Variants in ARHGAP18 observed in about 807,000 individuals in gnomAD.
ARHGAP18 encodes the protein Rho GTPase activating protein 18, also known as rho GTPase-activating protein 18.
Under a neutral mutation model 86.2 loss-of-function variants are expected in ARHGAP18, and 67 were observed. The observed-to-expected ratio is 0.78, with a 90% CI of 0.64 to 0.95. ARHGAP18 has a LOEUF of 0.95. Ranked by LOEUF, ARHGAP18 falls within the 40% of genes least tolerant of loss-of-function variation. The pLI, the probability that ARHGAP18 is intolerant of heterozygous loss-of-function variation, is 0.00. For synonymous variants in ARHGAP18, 283 were observed against 280.4 expected (o/e 1.01, Z -0.09); for missense variants, 691 against 780.4 (o/e 0.89, Z 1.37).
intron 1 of ARHGAP18, among the ~76,000 whole-genome samples, chr6:129,643,997 A>C (rs1773524854): frequency 6.6e-6 from 1 of 152,198 alleles, no homozygotes; most frequent in Non-Finnish European, 1.5e-5. Flanking sequence ...TCCTTTAAAG[A>C]TGATTCTTCC....
chr6:129,626,065 TAC>T (rs71028169), intron 5 of ARHGAP18, among the ~76,000 whole-genome samples: 1,479 of 101,518 alleles, frequency 0.015, 23 homozygotes, highest in East Asian at 0.084. Context: ...TATACACATA[TAC>T]ACACACACAC....
chr6:129,698,120 T>TA (rs1192014952), intron 1 of ARHGAP18, among the ~76,000 whole-genome samples: 1 of 152,200 alleles, frequency 6.6e-6, no homozygotes, highest in African/African-American at 2.4e-5. Flanking sequence ...AATATGATAC[T>TA]AAAAAAGTTG....
chr6:129,632,189 T>C (rs1023742706), intron 4 of ARHGAP18, among the ~76,000 whole-genome samples: 2 of 152,204 alleles, frequency 1.3e-5, no homozygotes, highest in African/African-American at 4.8e-5. Context: ...CACTGGCTAG[T>C]GAAAGAGCAT....
intron 1 of ARHGAP18, 116 bp downstream of exon 1, chr6:129,709,908 G>T: frequency 1.3e-6 from 1 of 770,054 alleles, no homozygotes; most frequent in South Asian, 1.7e-5. Flanking sequence ...GCTGCTGCAC[G>T]AGCTCAGGCT....
intron 1 of ARHGAP18, among the ~76,000 whole-genome samples, chr6:129,670,686 CTCTTTT>C (rs2114527618): frequency 8.3e-6 from 1 of 120,826 alleles, no homozygotes; most frequent in African/African-American, 3.7e-5. Context: ...GAAGTCGTAA[CTCTTTT>C]TTTTTTTTTT....
intron 1 of ARHGAP18, among the ~76,000 whole-genome samples, chr6:129,708,714 G>T (rs1774848816): frequency 6.6e-6 from 1 of 152,186 alleles, no homozygotes. Context: ...CTGACATGTG[G>T]AATCCAAGTT....
intron 1 of ARHGAP18, among the ~76,000 whole-genome samples, chr6:129,662,464 G>A (rs1022728643): frequency 1.3e-5 from 2 of 152,218 alleles, no homozygotes; most frequent in African/African-American, 4.8e-5. Flanking sequence ...AGGTGTTTTT[G>A]TTCTTCTAGT....
At chr6:129,607,869 G>A in intron 9 of ARHGAP18, 24 bp downstream of exon 9, 1 of 1,562,038 alleles carries the variant, frequency 6.4e-7, no homozygotes, top group South Asian at 1.2e-5. Flanking sequence ...CAGAAGGACT[G>A]CTTCAAAGAG....
At chr6:129,625,766 T>C (rs1442217048) in intron 5 of ARHGAP18, among the ~76,000 whole-genome samples, 11 of 35,346 alleles carry the variant, frequency 3.1e-4, no homozygotes, top group African/African-American at 8.5e-4. Context: ...ATTTATATAT[T>C]ATATATATTT....
intron 2 of ARHGAP18, 93 bp downstream of exon 2, chr6:129,641,723 C>T (rs1773467751): frequency 8.1e-7 from 1 of 1,230,598 alleles, no homozygotes. Context: ...GTGGTCCTAG[C>T]TTTAATTTTT....
chr6:129,602,512 A>G (rs1289541876), intron 10 of ARHGAP18, among the ~76,000 whole-genome samples: 1 of 152,164 alleles, frequency 6.6e-6, no homozygotes, highest in East Asian at 1.9e-4. Context: ...AAATTCCTGT[A>G]AGTGCTAACA....
chr6:129,588,942 G>A (rs1028564636), intron 12 of ARHGAP18, among the ~76,000 whole-genome samples: 1 of 152,204 alleles, frequency 6.6e-6, no homozygotes, highest in African/African-American at 2.4e-5. Flanking sequence ...CTGTACCTTG[G>A]CCCCTTTTAG....
intron 1 of ARHGAP18, among the ~76,000 whole-genome samples, chr6:129,699,250 GA>G (rs2114553992): frequency 6.6e-6 from 1 of 152,268 alleles, no homozygotes; most frequent in African/African-American, 2.4e-5. Context: ...CCAAATCAAT[GA>G]CAAATGTAGA....
At chr6:129,645,616 C>T (rs949294805) in intron 1 of ARHGAP18, among the ~76,000 whole-genome samples, 1 of 152,160 alleles carries the variant, frequency 6.6e-6, no homozygotes, top group Non-Finnish European at 1.5e-5. Context: ...CAGAAGCTCC[C>T]GCATTTCTCA....
rs1789239011 is a variant in ARHGAP18, at chr6:129,621,995, T to A, written c.787-3143A>T. ...ATCCACCAGAGTAGGCAGGGAGATA[T>A]CTAGGTTGATAGGTGTTGATGTGGT... On this transcript the variant is annotated intron_variant, in intron 5 of 14. Transcript: ENST00000368149. Among the ~76,000 whole-genome samples, 3 of 152,148 alleles carry A rather than the reference T, an allele frequency of 2.0e-5. No individual in the cohort carries two copies. In the South Asian group the frequency reaches 6.2e-4, roughly 32 times the overall value.
At chr6:129,704,210 C>T (rs1016707544) in intron 1 of ARHGAP18, among the ~76,000 whole-genome samples, 19 of 151,990 alleles carry the variant, frequency 1.3e-4, no homozygotes, top group African/African-American at 4.6e-4. Context: ...TCTGGGAGGG[C>T]GAGGCAGGCG....
chr6:129,707,693 G>A (rs1446297819), intron 1 of ARHGAP18, among the ~76,000 whole-genome samples: 20 of 150,236 alleles, frequency 1.3e-4, no homozygotes, highest in East Asian at 3.9e-4. Flanking sequence ...CTGTGGGGGC[G>A]GGGGTCTTTT....
chr6:129,652,560 C>T (rs1331142917), intron 1 of ARHGAP18, among the ~76,000 whole-genome samples: 5 of 152,164 alleles, frequency 3.3e-5, no homozygotes, highest in Non-Finnish European at 7.3e-5. Context: ...ATCATAATTT[C>T]TATTAGTTCA....
intron 1 of ARHGAP18, among the ~76,000 whole-genome samples, chr6:129,674,635 T>C (rs989432609): frequency 6.6e-6 from 1 of 152,218 alleles, no homozygotes; most frequent in Non-Finnish European, 1.5e-5. Flanking sequence ...TATTAGGTAT[T>C]ATAAATAATC....
Sources: allele counts gnomAD v4.1 joint callset (sites outside exome capture counted in the v4.1 genomes callset), GRCh38; gene constraint gnomAD v4.1.1; transcripts MANE v1.5; gene names NCBI Gene and HGNC (gene_info 2026-07-23, HGNC 2026-07-21).